The following RTRAF variants were observed in gnomAD, a reference collection of about 807,000 sequenced individuals.
The protein encoded by RTRAF is tRNA-splicing ligase complex subunit RTRAF.
Under a neutral mutation model 34.4 loss-of-function variants are expected in RTRAF, and 14 were observed. The ratio of observed to expected loss-of-function variants is 0.41; its 90% CI spans 0.27 to 0.64. The LOEUF (loss-of-function observed/expected upper bound fraction) is 0.64. RTRAF is among the 30% of genes least tolerant of loss of function. The probability of loss-of-function intolerance (pLI) is 0.34; values close to 1 mark genes in which losing one functional copy is unlikely to be tolerated. For missense variants in RTRAF, 291 were observed against 288.4 expected (o/e 1.01, Z -0.06); for synonymous variants, 96 against 95.3 (o/e 1.01, Z -0.04).
At position 52,009,499 on chromosome 14, in the gene RTRAF, GT is replaced by G. The variant is rs1353408960; in HGVS notation, c.*4987del. The G allele has an allele frequency of 6.6e-6, 1 of 152,128 alleles. No homozygotes were observed. The highest frequency in any genetic ancestry group is 1.9e-4 in the East Asian group (1 of 5,200). 9.4% of individuals were successfully genotyped at this position (152,128 alleles called of 1,614,324 possible). On this transcript the variant is annotated 3_prime_UTR_variant, in exon 8 of 8. Coordinates refer to ENST00000261700, the MANE Select transcript of RTRAF (RefSeq NM_016039.3). ...TATATTGCAACCTGGTTCAAGGTGG[GT>G]TTTCTTTTTATTAAAAATTCAAGTC...
intron 2 of RTRAF, 84 bp downstream of exon 2, chr14:51,991,525 T>A: frequency 6.9e-7 from 1 of 1,456,912 alleles, no homozygotes; most frequent in Non-Finnish European, 9.4e-7. Context: ...TTTCTTCTTT[T>A]AAGAAAAAAA....
intron 6 of RTRAF, chr14:52,003,941 C>CTAAAGGAT (rs1890657232): frequency 2.1e-6 from 1 of 481,170 alleles, no homozygotes. Context: ...TATGCCTGGG[C>CTAAAGGAT]TAAAGGATTG....
Position 51,999,811 on chromosome 14 carries a change from C to A in RTRAF, c.462+15C>A. 1 of 1,564,018 alleles carries A rather than the reference C, an allele frequency of 6.4e-7. No individual in the cohort carries two copies. The highest frequency in any genetic ancestry group is 8.8e-7 in the Non-Finnish European group (1 of 1,140,038). On this transcript the variant is annotated intron_variant, in intron 5 of 7. Transcript: ENST00000261700. ...TAATGCTTAAGGTCAGCTTCATGTT[C>A]TTGATTCTTGACAGAAACTGTGCAC...
intron 2 of RTRAF, among the ~76,000 whole-genome samples, chr14:51,992,649 T>C (rs971019250): frequency 6.6e-6 from 1 of 152,266 alleles, no homozygotes; most frequent in Non-Finnish European, 1.5e-5. Flanking sequence ...TTTAGGATTT[T>C]ATGTTTGTTT....
In RTRAF at chr14:52,005,400, T is replaced by TTTTAC. The variant is rs1439344139; in HGVS notation, c.*888_*892dup. 1.3e-5 allele frequency: 18 copies of TTTTAC among 1,353,348 alleles called. No homozygotes were observed. The highest frequency in any genetic ancestry group is 1.3e-5 in the Non-Finnish European group (13 of 1,011,216). 83.8% of individuals were successfully genotyped at this position (1,353,348 alleles called of 1,614,324 possible). A position where few individuals can be genotyped will look rare whatever the true frequency, so the allele number is the denominator to read the frequency against. ...AGGAACGTCTAATGGCCAATTCCTT[T>TTTTAC]TTTACTTTCTTTGCCTTTGCAGTCA... On this transcript the variant is annotated 3_prime_UTR_variant, in exon 8 of 8. Coordinates refer to ENST00000261700, the MANE Select transcript of RTRAF (RefSeq NM_016039.3).
At chr14:52,000,168 C>T (rs1287061455) in intron 5 of RTRAF, among the ~76,000 whole-genome samples, 1 of 152,080 alleles carries the variant, frequency 6.6e-6, no homozygotes, top group Non-Finnish European at 1.5e-5. Context: ...TTGTTTTTCC[C>T]ACATTACCCT....
intron 3 of RTRAF, 53 bp from the exon 4 acceptor site, chr14:51,998,441 C>A: frequency 1.9e-6 from 2 of 1,052,898 alleles, no homozygotes; most frequent in Admixed American, 2.5e-5. Flanking sequence ...TAGCAGTAGT[C>A]ATTTTACCTT....
chr14:51,996,733 A>G (rs1890527367), intron 3 of RTRAF, among the ~76,000 whole-genome samples: 2 of 152,066 alleles, frequency 1.3e-5, no homozygotes, highest in Non-Finnish European at 2.9e-5. Context: ...ACCACAGTAC[A>G]GTGATCAAAA....
intron 5 of RTRAF, 120 bp from the exon 6 acceptor site, chr14:52,001,677 AT>A: frequency 1.4e-6 from 1 of 689,686 alleles, no homozygotes; most frequent in Non-Finnish European, 2.4e-6. Flanking sequence ...TGGGGAGTTT[AT>A]TAATGAACTT....
At chr14:51,999,636 A>G in intron 4 of RTRAF, 72 bp from the exon 5 acceptor site, 2 of 1,050,564 alleles carry the variant, frequency 1.9e-6, no homozygotes, top group Non-Finnish European at 2.8e-6. Flanking sequence ...ATGTTTTTGT[A>G]TGTTCACAAA....
intron 3 of RTRAF, 60 bp from the exon 4 acceptor site, chr14:51,998,434 C>T (rs1461506260): frequency 4.4e-6 from 4 of 918,682 alleles, no homozygotes; most frequent in South Asian, 3.9e-5. Flanking sequence ...TGGTAAATAG[C>T]AGTAGTCATT....
rs1890391265 is a variant in RTRAF, at chr14:51,989,609, GC to G, written c.-28del. ...CCTCGCTTCTTCTCTCCCGGCCGAG[GC>G]CCGGGGGACCAGAGCGAGAAGCGGG... On this transcript the variant is annotated 5_prime_UTR_variant, in exon 1 of 8. Transcript: ENST00000261700. The G allele has an allele frequency of 6.3e-7, 1 of 1,584,310 alleles. No homozygotes were observed. Among genetic ancestry groups the G allele is most frequent in the South Asian group, 1.2e-5 (1 of 86,672 alleles).
Position 52,005,580 on chromosome 14 carries a change from G to GTATAAACTAGGTAGATTTAAGGTAGTAAA in RTRAF, c.*1065_*1093dup. On this transcript the variant is annotated 3_prime_UTR_variant, in exon 8 of 8. Transcript: ENST00000261700. Reference sequence around the variant, plus strand: ...GCAACAGCAAGTCTTTGCATTTTGTGTATAAACTAGGTAGATTTAAGGTAG... The same window carrying GTATAAACTAGGTAGATTTAAGGTAGTAAA: ...GCAACAGCAAGTCTTTGCATTTTGTGTATAAACTAGGTAGATTTAAGGTAGTAAATATAAACTAGGTAGATTTAAGGTAG... 6.6e-7 allele frequency: 1 copy of GTATAAACTAGGTAGATTTAAGGTAGTAAA among 1,510,028 alleles called. No homozygotes were observed. Among genetic ancestry groups the GTATAAACTAGGTAGATTTAAGGTAGTAAA allele is most frequent in the Non-Finnish European group, 9.1e-7 (1 of 1,100,824 alleles). 93.5% of individuals were successfully genotyped at this position (1,510,028 alleles called of 1,614,324 possible).
intron 4 of RTRAF, 29 bp downstream of exon 4, chr14:51,998,609 A>G (rs760096002): frequency 4.9e-6 from 7 of 1,423,924 alleles, no homozygotes; most frequent in African/African-American, 1.5e-5. Flanking sequence ...AACATTGAAC[A>G]TCAACATTTT....
rs1890865647 is a variant in RTRAF at position 52,008,123 on chromosome 14, G to C, written c.*3607G>C. On this transcript the variant is annotated 3_prime_UTR_variant, in exon 8 of 8. Coordinates refer to ENST00000261700, the MANE Select transcript of RTRAF (RefSeq NM_016039.3). ...CATTAGTAGTGTCTTGCTTCTTCTAGTGCATAGAGTATAGCAGAAGTGATA... is the reference window on the plus strand; with the variant it reads ...CATTAGTAGTGTCTTGCTTCTTCTACTGCATAGAGTATAGCAGAAGTGATA... 3 of 597,894 alleles carry C rather than the reference G, an allele frequency of 5.0e-6. No homozygotes were observed. The East Asian group carries it at 8.6e-5, about 17-fold the overall frequency. The allele number at this position is 597,894 out of a possible 1,614,324, so 37.0% of individuals were successfully genotyped here. A position where few individuals can be genotyped will look rare whatever the true frequency, so the allele number is the denominator to read the frequency against.
At chr14:51,998,728 T>C in intron 4 of RTRAF, 148 bp downstream of exon 4, 1 of 448,660 alleles carries the variant, frequency 2.2e-6, no homozygotes, top group Non-Finnish European at 4.0e-6. Flanking sequence ...TTTTATTCTC[T>C]ATAATGTTTT....
At chr14:51,994,588 T>A (rs1890488295) in intron 3 of RTRAF, among the ~76,000 whole-genome samples, 1 of 152,164 alleles carries the variant, frequency 6.6e-6, no homozygotes, top group South Asian at 2.1e-4. Context: ...TTATAATATC[T>A]CCCATTAGTG....
Position 52,005,523 on chromosome 14 carries a change from A to AGGGTGGTGGGTGAGTATATTGT in RTRAF, c.*1008_*1029dup, listed in dbSNP as rs1356471358. ...TGTGAGAGAAGAGCAGGGGTGGGACAGGGTGGTGGGTGAGTATATTGTAAC... is the reference window on the plus strand; with the variant it reads ...TGTGAGAGAAGAGCAGGGGTGGGACAGGGTGGTGGGTGAGTATATTGTGGGTGGTGGGTGAGTATATTGTAAC... On this transcript the variant is annotated 3_prime_UTR_variant, in exon 8 of 8. Coordinates refer to ENST00000261700, the MANE Select transcript of RTRAF (RefSeq NM_016039.3). 6 of 1,594,674 alleles carry AGGGTGGTGGGTGAGTATATTGT rather than the reference A, an allele frequency of 3.8e-6. No homozygotes were observed. Among genetic ancestry groups the AGGGTGGTGGGTGAGTATATTGT allele is most frequent in the Non-Finnish European group, 5.1e-6 (6 of 1,172,702 alleles).
Position 51,992,574 on chromosome 14 carries a change from T to C in RTRAF, c.186+1133T>C, listed in dbSNP as rs148084961. Among the ~76,000 whole-genome samples, 42 of 152,372 alleles carry C rather than the reference T, an allele frequency of 2.8e-4. 1 individual carries two copies. The highest frequency in any genetic ancestry group is 9.1e-4 in the African/African-American group (38 of 41,588). On this transcript the variant is annotated intron_variant, in intron 2 of 7. Transcript: ENST00000261700. ...CTACTATTAATACTACTGTATTCTT[T>C]TCCTTTGCTCTTAGAAAATATTTTT...
Sources: gnomAD v4.1 joint callset for allele counts (sites outside exome capture counted in the v4.1 genomes callset) on GRCh38, gnomAD v4.1.1 for gene constraint, MANE v1.5 for transcripts, NCBI Gene and HGNC (gene_info 2026-07-23, HGNC 2026-07-21) for gene names.